The following R3HDM1 variants were observed in gnomAD, a reference collection of about 807,000 sequenced individuals.
The protein encoded by R3HDM1 is R3H domain containing 1, also known as R3H domain-containing protein 1.
R3HDM1 carries 46 observed loss-of-function variants against 141.1 expected under a neutral mutation model. The observed-to-expected ratio is 0.33, with a 90% confidence interval of 0.26 to 0.42. The LOEUF is 0.42. R3HDM1 is among the 10% of genes least tolerant of loss of function. R3HDM1 has a pLI of 1.00. For synonymous variants in R3HDM1, 435 were observed against 472.9 expected (o/e 0.92, Z 1.04); for missense variants, 1,184 against 1,368.3 (o/e 0.87, Z 2.12).
chr2:135,604,489 G>T (rs1200152824), intron 2 of R3HDM1, among the ~76,000 whole-genome samples: 1 of 152,036 alleles, frequency 6.6e-6, no homozygotes. Context: ...TAGCAATAGG[G>T]TCTTGCTATG....
intron 7 of R3HDM1, among the ~76,000 whole-genome samples, chr2:135,630,295 A>AAAAC (rs2062556089): frequency 6.8e-6 from 1 of 146,734 alleles, no homozygotes; most frequent in African/African-American, 2.6e-5. Context: ...AAAAAAAAAA[A>AAAAC]AAAAAAAAAA....
chr2:135,667,693 T>C, intron 19 of R3HDM1: 1 of 976,712 alleles, frequency 1.0e-6, no homozygotes, highest in South Asian at 4.7e-5. Context: ...TTGAAACCTG[T>C]TGATACTTTT....
intron 5 of R3HDM1, among the ~76,000 whole-genome samples, chr2:135,617,491 A>T (rs2061151943): frequency 6.6e-6 from 1 of 152,156 alleles, no homozygotes. Flanking sequence ...ACGTAACCTG[A>T]ATGCATGGTG....
At chr2:135,532,410 G>A (rs986690099) in intron 1 of R3HDM1, among the ~76,000 whole-genome samples, 1 of 152,124 alleles carries the variant, frequency 6.6e-6, no homozygotes, top group Non-Finnish European at 1.5e-5. Context: ...GGGTGACTCT[G>A]TTGAGCTTGT....
rs1553607676 is a variant in R3HDM1 at position 135,659,071 on chromosome 2, G to GTGTGTGTGTGTGTGTA, written c.2029-2184_2029-2183insATGTGTGTGTGTGTGT. ...AGTCTGTGTGTGTGTGTGTGTGTGT[G>GTGTGTGTGTGTGTGTA]TGTGTGTGTGTGTGTGTTTGGTTTG... On this transcript the variant is annotated intron_variant, in intron 18 of 26. Transcript: ENST00000683871. 1.2e-3 allele frequency among the ~76,000 whole-genome samples: 176 copies of GTGTGTGTGTGTGTGTA among 150,454 alleles called. 1 individual carries two copies. The highest frequency in any genetic ancestry group is 0.01 in the Middle Eastern group (3 of 290).
At chr2:135,703,231 T>C (rs907858764) in intron 21 of R3HDM1, among the ~76,000 whole-genome samples, 3 of 152,240 alleles carry the variant, frequency 2.0e-5, no homozygotes, top group Non-Finnish European at 4.4e-5. Flanking sequence ...AGGAATATAT[T>C]AGCCCTTCTT....
intron 1 of R3HDM1, among the ~76,000 whole-genome samples, chr2:135,597,947 A>T (rs1345200022): frequency 6.6e-6 from 1 of 152,206 alleles, no homozygotes. Context: ...ACCAAAACTT[A>T]GACCCCAAGT....
At chr2:135,693,930 G>A (rs892684821) in intron 21 of R3HDM1, among the ~76,000 whole-genome samples, 3 of 152,016 alleles carry the variant, frequency 2.0e-5, no homozygotes, top group Non-Finnish European at 2.9e-5. Context: ...GCTTGAACCC[G>A]GAGGCAGAGG....
At chr2:135,677,372 C>T (rs956514893) in intron 20 of R3HDM1, among the ~76,000 whole-genome samples, 30 of 152,154 alleles carry the variant, frequency 2.0e-4, no homozygotes, top group African/African-American at 7.2e-4. Flanking sequence ...GCCTGCCCTT[C>T]GTCTGTTTCC....
chr2:135,696,655 C>A (rs549048830), intron 21 of R3HDM1, among the ~76,000 whole-genome samples: 1 of 152,108 alleles, frequency 6.6e-6, no homozygotes, highest in African/African-American at 2.4e-5. Flanking sequence ...CCACACCTGG[C>A]TAATTTTTTA....
intron 3 of R3HDM1, among the ~76,000 whole-genome samples, chr2:135,612,946 T>C (rs535468413): frequency 6.6e-6 from 1 of 152,380 alleles, no homozygotes; most frequent in Non-Finnish European, 1.5e-5. Context: ...TTCTAGTACA[T>C]ATAATTTCTA....
chr2:135,533,809 G>A (rs1456619594), intron 1 of R3HDM1: 2 of 175,698 alleles, frequency 1.1e-5, no homozygotes, highest in Non-Finnish European at 2.2e-5. Context: ...AACCTGGGAG[G>A]CAGCGGTGAG....
At chr2:135,612,683 A>T (rs1265988187) in intron 3 of R3HDM1, among the ~76,000 whole-genome samples, 2 of 152,220 alleles carry the variant, frequency 1.3e-5, no homozygotes, top group Non-Finnish European at 2.9e-5. Context: ...TAATATAAAT[A>T]GCATTTCTCT....
intron 21 of R3HDM1, among the ~76,000 whole-genome samples, chr2:135,693,977 C>G (rs552609543): frequency 1.3e-5 from 2 of 152,030 alleles, no homozygotes; most frequent in African/African-American, 4.8e-5. Context: ...GCACTCCAGC[C>G]TGGGGAACAA....
intron 7 of R3HDM1, among the ~76,000 whole-genome samples, chr2:135,625,219 G>A (rs1303369731): frequency 6.6e-6 from 1 of 152,162 alleles, no homozygotes; most frequent in Admixed American, 6.6e-5. Flanking sequence ...GCAGGCTGAG[G>A]ACAGTGGATC....
At chr2:135,557,243 CTTT>C (rs1216096223) in intron 1 of R3HDM1, among the ~76,000 whole-genome samples, 3 of 152,002 alleles carry the variant, frequency 2.0e-5, no homozygotes, top group Admixed American at 1.3e-4. Flanking sequence ...GTTTATTGCT[CTTT>C]TTTTCCTCTA....
At position 135,721,972 on chromosome 2, in the gene R3HDM1, C is replaced by T; in HGVS notation, c.2930C>T (p.Pro977Leu). The change falls in exon 25 of 27, where the codon CCT becomes CTT. Residue 977 changes from proline (P) to leucine (L), a missense_variant. Around this residue, in one of 5 missense-constraint regions of R3HDM1, gnomAD observed 182 missense variants for 252.6 expected, o/e 0.72. Coordinates refer to ENST00000683871, the MANE Select transcript of R3HDM1 (RefSeq NM_001378107.1). ...GGCCAGCCACTGCAGTACAATCCTC[C>T]TGCTGTTCTGCACGGACACATTCCA... ...LLGQPLQYNPPAVLHGHIPNQ... is the reference protein window; with the variant it reads ...LLGQPLQYNPLAVLHGHIPNQ... 1 of 1,613,916 alleles carries T rather than the reference C, an allele frequency of 6.2e-7. No homozygotes were observed. The highest frequency in any genetic ancestry group is 8.5e-7 in the Non-Finnish European group (1 of 1,179,800).
intron 1 of R3HDM1, chr2:135,590,470 G>A (rs1468259379): frequency 3.5e-6 from 3 of 849,392 alleles, no homozygotes; most frequent in Non-Finnish European, 4.2e-6. Context: ...AAACCCATGG[G>A]TTAAATATGA....
chr2:135,609,045 A>T (rs1291513175), intron 3 of R3HDM1, among the ~76,000 whole-genome samples: 1 of 152,164 alleles, frequency 6.6e-6, no homozygotes, highest in Admixed American at 6.5e-5. Flanking sequence ...CCCCTTTTGT[A>T]CTATGAAGAG....
Sources: allele counts gnomAD v4.1 joint callset (sites outside exome capture counted in the v4.1 genomes callset), GRCh38; gene constraint gnomAD v4.1.1; regional missense constraint gnomAD v4.1.1; transcripts MANE v1.5; gene names NCBI Gene and HGNC (gene_info 2026-07-23, HGNC 2026-07-21).